GLDN: variants seen among roughly 807,000 people sequenced by gnomAD.
GLDN encodes gliomedin.
In GLDN, 47 loss-of-function variants were observed where a neutral mutation model predicts 56.5. The ratio of observed to expected loss-of-function variants is 0.83; its 90% CI spans 0.66 to 1.06. GLDN has a LOEUF of 1.06. Among genes scored for constraint, GLDN ranks in the 50% least tolerant of loss-of-function variants. The pLI is 0.00. For missense variants in GLDN, 782 were observed against 714.3 expected (o/e 1.09, Z -1.08); for synonymous variants, 332 against 278.8 (o/e 1.19, Z -1.90).
intron 8 of GLDN, 53 bp downstream of exon 8, chr15:51,400,551 C>T: frequency 3.8e-6 from 6 of 1,576,890 alleles, no homozygotes; most frequent in East Asian, 2.2e-5. Context: ...TATTTTTCAT[C>T]TGTTGCCTAC....
chr15:51,346,411 G>T (rs1470979810), intron 1 of GLDN, among the ~76,000 whole-genome samples: 2 of 152,178 alleles, frequency 1.3e-5, no homozygotes, highest in East Asian at 3.8e-4. Context: ...GATAAAGACA[G>T]TATCTCACAC....
At chr15:51,400,738 T>G (rs74013207) in intron 8 of GLDN, among the ~76,000 whole-genome samples, 1 of 152,330 alleles carries the variant, frequency 6.6e-6, no homozygotes, top group African/African-American at 2.4e-5. Context: ...AGATATCGCC[T>G]GTTTTAGGAC....
downstream of GLDN, among the ~76,000 whole-genome samples, chr15:51,411,236 A>G (rs2038462013): frequency 1.3e-5 from 2 of 152,262 alleles, no homozygotes; most frequent in Admixed American, 6.5e-5. Context: ...CCTCCAGCTT[A>G]TAAAGAGACT....
At chr15:51,363,073 T>A (rs186272584) in intron 1 of GLDN, among the ~76,000 whole-genome samples, 3 of 152,248 alleles carry the variant, frequency 2.0e-5, no homozygotes, top group East Asian at 3.9e-4. Context: ...AGGGGGAAGA[T>A]GAAGAGTTCA....
chr15:51,349,780 C>T (rs1363065100), intron 1 of GLDN, among the ~76,000 whole-genome samples: 1 of 151,438 alleles, frequency 6.6e-6, no homozygotes, highest in African/African-American at 2.4e-5. Flanking sequence ...CTCTCTGTCA[C>T]CCAGGCTGGA....
chr15:51,403,013 A>G (rs2038288434), intron 9 of GLDN, among the ~76,000 whole-genome samples: 2 of 152,146 alleles, frequency 1.3e-5, no homozygotes, highest in Admixed American at 1.3e-4. Flanking sequence ...CATGTTATAT[A>G]GGGCTATTGC....
At chr15:51,377,679 A>G (rs1367091373) in intron 2 of GLDN, among the ~76,000 whole-genome samples, 179 bp downstream of exon 2, 1 of 152,238 alleles carries the variant, frequency 6.6e-6, no homozygotes, top group Non-Finnish European at 1.5e-5. Context: ...TAATATTTTC[A>G]GTATTGCCAT....
intron 2 of GLDN, among the ~76,000 whole-genome samples, chr15:51,381,028 G>A (rs949331543): frequency 1.3e-5 from 2 of 152,164 alleles, no homozygotes; most frequent in East Asian, 3.9e-4. Context: ...TGGGGCCTGG[G>A]TATCTGCATT....
chr15:51,401,357 T>C (rs1216257700), intron 8 of GLDN, among the ~76,000 whole-genome samples: 1 of 152,058 alleles, frequency 6.6e-6, no homozygotes, highest in Non-Finnish European at 1.5e-5. Flanking sequence ...GATACATAGT[T>C]CTCCCAGGAG....
At chr15:51,402,032 T>A (rs2038264121) in intron 9 of GLDN, among the ~76,000 whole-genome samples, 1 of 152,142 alleles carries the variant, frequency 6.6e-6, no homozygotes, top group African/African-American at 2.4e-5. Context: ...AGCTTCCCCA[T>A]CCTCTGAGAG....
At chr15:51,382,585 G>T (rs1261166747) in intron 2 of GLDN, among the ~76,000 whole-genome samples, 1 of 151,798 alleles carries the variant, frequency 6.6e-6, no homozygotes, top group East Asian at 1.9e-4. Flanking sequence ...AATTAGCCGG[G>T]CGTGGTGGCG....
chr15:51,410,226 G>A (rs182646511), downstream of GLDN, among the ~76,000 whole-genome samples: 21 of 152,278 alleles, frequency 1.4e-4, no homozygotes, highest in Admixed American at 1.2e-3. Flanking sequence ...TCTACGTGAC[G>A]TTTAAATCCT....
At chr15:51,359,148 C>T (rs2037242762) in intron 1 of GLDN, among the ~76,000 whole-genome samples, 1 of 152,166 alleles carries the variant, frequency 6.6e-6, no homozygotes. Context: ...CTCAATTGTG[C>T]CCCCTCCAAG....
intron 1 of GLDN, 72 bp downstream of exon 1, chr15:51,342,119 A>G (rs1241390004): frequency 1.3e-6 from 2 of 1,557,214 alleles, no homozygotes; most frequent in Non-Finnish European, 8.6e-7. Flanking sequence ...GAGGACGCCG[A>G]CGCCCTCTTC....
chr15:51,391,018 G>A lies in GLDN; in HGVS notation c.542-3817G>A, dbSNP rs969753291. Among the ~76,000 whole-genome samples, 11 of 152,314 alleles carry A rather than the reference G, an allele frequency of 7.2e-5. No individual in the cohort carries two copies. In the South Asian group the frequency reaches 1.5e-3, roughly 20 times the overall value. Reference sequence around the variant, plus strand: ...TATTTAATTTCTGACATATCACGGCGAAAGCACAGCCAGGGCAATTTTACT... The same window carrying A: ...TATTTAATTTCTGACATATCACGGCAAAAGCACAGCCAGGGCAATTTTACT... On this transcript the variant is annotated intron_variant, in intron 4 of 9. Coordinates refer to ENST00000335449, the MANE Select transcript of GLDN (RefSeq NM_181789.4).
intron 1 of GLDN, among the ~76,000 whole-genome samples, chr15:51,355,558 C>G (rs1179159480): frequency 7.1e-6 from 1 of 140,970 alleles, no homozygotes; most frequent in East Asian, 2.1e-4. Flanking sequence ...GAGTCTCACT[C>G]TGTTGCCCAG....
rs139600077 is a variant in GLDN at position 51,350,022 on chromosome 15, C to T, written c.363+7975C>T. Among the ~76,000 whole-genome samples, 191 of 152,286 alleles carry T rather than the reference C, an allele frequency of 1.3e-3. 1 individual carries two copies. The highest frequency in any genetic ancestry group is 4.4e-3 in the African/African-American group (181 of 41,564). On this transcript the variant is annotated intron_variant, in intron 1 of 9. Coordinates refer to ENST00000335449, the MANE Select transcript of GLDN (RefSeq NM_181789.4). The stretch of plus-strand genomic sequence containing the variant: ...CCTCCCAAAGTGCTGAGATTACAGG[C>T]GTGAGCCACCGCACCCGGCCTAGGG...
intron 2 of GLDN, among the ~76,000 whole-genome samples, chr15:51,383,053 G>C (rs180837463): frequency 3.9e-5 from 6 of 152,072 alleles, no homozygotes; most frequent in African/African-American, 1.4e-4. Context: ...CTCCTGGGAC[G>C]GCCAAATCTC....
rs1201647019 is a variant in GLDN, at chr15:51,406,098, G to C, written c.*1344G>C. On this transcript the variant is annotated 3_prime_UTR_variant, in exon 10 of 10. Transcript: ENST00000335449. ...TAGGATGTGACTTGCGTTTTGAGTA[G>C]AGGGGAAGGCTGATAACGGCGTAAG... is the stretch of plus-strand genomic sequence containing the variant. 1 of 152,222 alleles carries C rather than the reference G, an allele frequency of 6.6e-6. No individual in the cohort carries two copies. Among genetic ancestry groups the C allele is most frequent in the Non-Finnish European group, 1.5e-5 (1 of 68,058 alleles). The allele number at this position is 152,222 out of a possible 1,614,324, so 9.4% of individuals were successfully genotyped here.
Sources: gnomAD v4.1 joint callset for allele counts (sites outside exome capture counted in the v4.1 genomes callset) on GRCh38, gnomAD v4.1.1 for gene constraint, MANE v1.5 for transcripts, NCBI Gene and HGNC (gene_info 2026-07-23, HGNC 2026-07-21) for gene names.